Variants in HMCN1 observed in about 807,000 individuals in gnomAD.
HMCN1 encodes hemicentin 1, also known as hemicentin-1.
Under a neutral mutation model 625.9 loss-of-function variants are expected in HMCN1, and 321 were observed. The ratio of observed to expected loss-of-function variants is 0.51; its 90% CI spans 0.47 to 0.56. The LOEUF (loss-of-function observed/expected upper bound fraction) is 0.56. Among genes scored for constraint, HMCN1 ranks in the 20% least tolerant of loss-of-function variants. The probability of loss-of-function intolerance (pLI) is 0.00; values close to 1 mark genes in which losing one functional copy is unlikely to be tolerated. For synonymous variants in HMCN1, 2,425 were observed against 2,417.6 expected, an observed-to-expected ratio of 1.00 and a Z score of -0.09; for missense variants, 6,588 against 6,887.3, an observed-to-expected ratio of 0.96 and a Z score of 1.54.
intron 44 of HMCN1, among the ~76,000 whole-genome samples, chr1:186,054,352 T>C (rs768792652): frequency 6.6e-6 from 1 of 152,010 alleles, no homozygotes; most frequent in Non-Finnish European, 1.5e-5. Context: ...TATAAGATCT[T>C]AGAGTGCTTA....
chr1:185,841,020 A>T (rs1442643964), intron 1 of HMCN1, among the ~76,000 whole-genome samples: 1 of 152,194 alleles, frequency 6.6e-6, no homozygotes, highest in South Asian at 2.1e-4. Context: ...AGGAAAAAGG[A>T]AGTGAGAGGC....
chr1:186,028,795 G>C (rs142583768), intron 36 of HMCN1, among the ~76,000 whole-genome samples: 3,862 of 150,628 alleles, frequency 0.026, 161 homozygotes, highest in African/African-American at 0.09. Context: ...CGCGATCTTG[G>C]CTCACTGCAA....
At chr1:185,946,898 TAAGAA>T (rs964484692) in intron 11 of HMCN1, among the ~76,000 whole-genome samples, 19 of 152,182 alleles carry the variant, frequency 1.2e-4, no homozygotes, top group Admixed American at 7.9e-4. Context: ...ACTAGATTCT[TAAGAA>T]AAGAAATCTT....
intron 1 of HMCN1, among the ~76,000 whole-genome samples, chr1:185,764,328 C>T (rs2102129786): frequency 1.3e-5 from 2 of 152,240 alleles, no homozygotes; most frequent in South Asian, 4.1e-4. Flanking sequence ...GAAGGATCCA[C>T]AACTAGTATT....
intron 2 of HMCN1, among the ~76,000 whole-genome samples, chr1:185,859,717 G>C (rs1662742912): frequency 6.6e-6 from 1 of 152,080 alleles, no homozygotes; most frequent in Non-Finnish European, 1.5e-5. Context: ...CCAGTCTAGA[G>C]TGTAGTGGTG....
chr1:185,803,205 CAAAAAAAAAA>C, intron 1 of HMCN1, among the ~76,000 whole-genome samples: 4 of 58,756 alleles, frequency 6.8e-5, no homozygotes, highest in African/African-American at 1.6e-4. Flanking sequence ...AAAAAAAAAG[CAAAAAAAAAA>C]AAAAAAAACA....
At chr1:185,839,349 A>T (rs1025980347) in intron 1 of HMCN1, among the ~76,000 whole-genome samples, 1 of 152,226 alleles carries the variant, frequency 6.6e-6, no homozygotes, top group Non-Finnish European at 1.5e-5. Flanking sequence ...TCAGTTCAAA[A>T]ATATTCTTGA....
In HMCN1 at chr1:186,119,391, G is replaced by T; in HGVS notation, c.11956+93G>T. 12 of 929,248 alleles carry T rather than the reference G, an allele frequency of 1.3e-5. 1 individual carries two copies. In the South Asian group the frequency reaches 1.3e-4, roughly 10 times the overall value. 57.6% of individuals were successfully genotyped at this position (929,248 alleles called of 1,614,324 possible). On this transcript the variant is annotated intron_variant, in intron 78 of 106. Transcript: ENST00000271588. ...TGAAAGGTGGTAGGTACTGTCGAGA[G>T]CTATGAACCATAGTAATATCTTGGG...
At chr1:186,104,240 C>T (rs907922367) in intron 69 of HMCN1, among the ~76,000 whole-genome samples, 1 of 152,098 alleles carries the variant, frequency 6.6e-6, no homozygotes, top group Non-Finnish European at 1.5e-5. Flanking sequence ...CAATTATTCT[C>T]CATCTGAGCC....
Position 186,115,400 on chromosome 1 carries a change from T to C in HMCN1, c.11547T>C (p.Asn3849=). 6.2e-7 allele frequency: 1 copy of C among 1,613,450 alleles called. No homozygotes were observed. Among genetic ancestry groups the C allele is most frequent in the Middle Eastern group, 1.7e-4 (1 of 6,056 alleles). Reference sequence around the variant, plus strand: ...GGCATCTTCTTAATGTGGATCAAAATCAGAACTCATACAGGTAAGGATAAT... The same window carrying C: ...GGCATCTTCTTAATGTGGATCAAAACCAGAACTCATACAGGTAAGGATAAT... ...KNGHLLNVDQ[N]QNSYRLLSSG... Residue 3849 remains asparagine (N), a synonymous_variant, in exon 75 of 107, where the codon AAT becomes AAC. Coordinates refer to ENST00000271588, the MANE Select transcript of HMCN1 (RefSeq NM_031935.3).
chr1:185,886,716 TTCA>T (rs1376503014), intron 4 of HMCN1, among the ~76,000 whole-genome samples: 3 of 152,138 alleles, frequency 2.0e-5, no homozygotes, highest in Non-Finnish European at 2.9e-5. Context: ...TGCCCAAGTC[TTCA>T]TCACTTCACA....
chr1:186,149,557 G>A (rs766741562), intron 93 of HMCN1, among the ~76,000 whole-genome samples: 1 of 152,104 alleles, frequency 6.6e-6, no homozygotes, highest in East Asian at 1.9e-4. Context: ...AAAAAATAAG[G>A]TTGTTTCACT....
At chr1:186,087,784 T>C in intron 60 of HMCN1, 139 bp downstream of exon 60, 2 of 1,169,044 alleles carry the variant, frequency 1.7e-6, no homozygotes, top group Non-Finnish European at 2.5e-6. Flanking sequence ...CCATTGACTA[T>C]TTTTATAAAA....
intron 58 of HMCN1, 82 bp from the exon 59 acceptor site, chr1:186,087,135 T>A: frequency 1.2e-6 from 1 of 842,392 alleles, no homozygotes; most frequent in South Asian, 1.3e-5. Context: ...GAAGGATATA[T>A]GTTGCTATTT....
intron 52 of HMCN1, among the ~76,000 whole-genome samples, chr1:186,072,855 G>A (rs1424102964): frequency 6.6e-6 from 1 of 152,158 alleles, no homozygotes; most frequent in African/African-American, 2.4e-5. Flanking sequence ...TTATTCTGAC[G>A]GAAAGCCGAC....
chr1:186,073,288 G>C (rs1658585400), intron 52 of HMCN1, among the ~76,000 whole-genome samples: 1 of 152,108 alleles, frequency 6.6e-6, no homozygotes, highest in African/African-American at 2.4e-5. Flanking sequence ...GAATGTCATT[G>C]GTGACCTTGG....
intron 89 of HMCN1, among the ~76,000 whole-genome samples, chr1:186,141,295 T>C (rs752398521): frequency 5.9e-5 from 9 of 152,144 alleles, no homozygotes; most frequent in Non-Finnish European, 1.0e-4. Flanking sequence ...GGACCCCTGG[T>C]TTATCATACA....
In HMCN1 at chr1:186,065,309, A is replaced by T. The variant is rs145591176; in HGVS notation, c.7585A>T (p.Ile2529Leu). ...PLQEDEAHHI[I>L]SGGRFLQITN... ...CCAAGAAGATGAAGCCCATCACATT[A>T]TATCTGGTGGCCGTTTTCTTCAAAT... Residue 2529 changes from isoleucine to leucine, a missense_variant, in exon 49 of 107, where the codon ATA (isoleucine) becomes TTA (leucine). Ile to Leu is a conservative substitution (Grantham distance 5). Coordinates refer to ENST00000271588, the MANE Select transcript of HMCN1 (RefSeq NM_031935.3). 8 of 1,612,588 alleles carry T rather than the reference A, an allele frequency of 5.0e-6. No homozygotes were observed. In the Admixed American group the frequency reaches 6.7e-5, roughly 13 times the overall value.
In HMCN1 at chr1:185,880,542, G is replaced by T. The variant is rs979635015; in HGVS notation, c.621+14679G>T. On this transcript the variant is annotated intron_variant, in intron 4 of 106. Transcript: ENST00000271588. ...ACCACCAACTAAATTTGAGAAAGTT[G>T]CCTGACCTTTGTCCTTCTCTCTTCA... Among the ~76,000 whole-genome samples, 6 of 152,120 alleles carry T rather than the reference G, an allele frequency of 3.9e-5. No homozygotes were observed. In the South Asian group the frequency reaches 1.2e-3, roughly 32 times the overall value.
Sources: allele counts gnomAD v4.1 joint callset (sites outside exome capture counted in the v4.1 genomes callset), GRCh38; gene constraint gnomAD v4.1.1; transcripts MANE v1.5; gene names NCBI Gene and HGNC (gene_info 2026-07-23, HGNC 2026-07-21).